FBXO11: variants seen among roughly 807,000 people sequenced by gnomAD.
FBXO11 encodes the protein F-box protein 11.
A neutral mutation model predicts 117.0 loss-of-function variants in FBXO11; 13 were observed. The observed-to-expected ratio is 0.11, with a 90% CI of 0.07 to 0.18. FBXO11 has a LOEUF of 0.18. Ranked by LOEUF, FBXO11 falls within the 10% of genes least tolerant of loss-of-function variation. The pLI is 1.00. For synonymous variants in FBXO11, 490 were observed against 380.5 expected (o/e 1.29, Z -3.35); for missense variants, 767 against 1,164.4 (o/e 0.66, Z 4.97).
rs961970568 is a variant in FBXO11, at chr2:47,809,510, G to A, written c.2446+90C>T. The A allele has an allele frequency of 1.2e-5, 11 of 922,750 alleles. 1 individual carries two copies. The South Asian group carries it at 1.7e-4, about 14-fold the overall frequency. The allele number at this position is 922,750 out of a possible 1,614,324, so 57.2% of individuals were successfully genotyped here. On this transcript the variant is annotated intron_variant, in intron 20 of 22. Transcript: ENST00000403359. ...TCTTAAACTGTTGCTAACTTGGAGA[G>A]TGACATAAGGAATCAAGTTATAAAA...
chr2:47,887,301 G>T (rs904801868), intron 1 of FBXO11, among the ~76,000 whole-genome samples: 12 of 151,514 alleles, frequency 7.9e-5, no homozygotes, highest in Non-Finnish European at 1.6e-4. Flanking sequence ...AAAAAGGTGG[G>T]GGGGAGGGGG....
chr2:47,875,538 T>C (rs1277294831), intron 1 of FBXO11, among the ~76,000 whole-genome samples: 4 of 151,584 alleles, frequency 2.6e-5, no homozygotes, highest in African/African-American at 9.7e-5. Context: ...TGATAAGTAA[T>C]GATAAAATTC....
At chr2:47,823,982 C>G (rs1558414992) in intron 11 of FBXO11, among the ~76,000 whole-genome samples, 2 of 152,002 alleles carry the variant, frequency 1.3e-5, no homozygotes, top group Non-Finnish European at 2.9e-5. Context: ...TAGAAAGGCA[C>G]ACACCACCAT....
Position 47,887,960 on chromosome 2 carries a change from G to A in FBXO11, c.232+17529C>T, listed in dbSNP as rs186062603. Among the ~76,000 whole-genome samples the A allele has an allele frequency of 3.8e-3, 580 of 152,230 alleles. 2 individuals carry two copies. Among genetic ancestry groups the A allele is most frequent in the Middle Eastern group, 0.024 (7 of 294 alleles). ...TTGAGCCTAGCAGTTCGAGGCTGCA[G>A]AGAGTAGTGACTGTGCCACTGTGTT... On this transcript the variant is annotated intron_variant, in intron 1 of 22. Coordinates refer to ENST00000403359, the MANE Select transcript of FBXO11 (RefSeq NM_001190274.2).
chr2:47,873,030 G>C (rs1352680990), intron 1 of FBXO11, among the ~76,000 whole-genome samples: 2 of 152,056 alleles, frequency 1.3e-5, no homozygotes, highest in Non-Finnish European at 2.9e-5. Flanking sequence ...AAAAGTCTGA[G>C]AACTGCTATT....
intron 1 of FBXO11, among the ~76,000 whole-genome samples, chr2:47,858,422 C>G (rs146549208): frequency 0.019 from 2,849 of 151,430 alleles, 33 homozygotes; most frequent in Non-Finnish European, 0.03. Flanking sequence ...TGACTCACGC[C>G]TGTAATCCCA....
At chr2:47,809,353 G>C (rs1670455159) in intron 20 of FBXO11, 87 bp from the exon 21 acceptor site, 2 of 863,894 alleles carry the variant, frequency 2.3e-6, no homozygotes, top group African/African-American at 3.5e-5. Flanking sequence ...TAACAGAAGA[G>C]CCACTATTTT....
At chr2:47,886,621 GATAA>G (rs1472531220) in intron 1 of FBXO11, among the ~76,000 whole-genome samples, 3 of 151,984 alleles carry the variant, frequency 2.0e-5, no homozygotes, top group African/African-American at 7.3e-5. Context: ...AATGTTAACA[GATAA>G]ATATTTAATA....
At chr2:47,834,351 A>T (rs1236489506) in intron 7 of FBXO11, among the ~76,000 whole-genome samples, 2 of 152,150 alleles carry the variant, frequency 1.3e-5, no homozygotes, top group Non-Finnish European at 2.9e-5. Flanking sequence ...CTCTGCATCA[A>T]AAAAACAAAA....
intron 1 of FBXO11, among the ~76,000 whole-genome samples, chr2:47,852,203 T>A (rs944134699): frequency 6.6e-6 from 1 of 152,110 alleles, no homozygotes; most frequent in Admixed American, 6.5e-5. Context: ...TTGGCCAGGG[T>A]GGTCTCGAAC....
rs758343209 is a variant in FBXO11, at chr2:47,818,952, C to A, written c.1920+4G>T. On this transcript the variant is annotated splice_donor_region_variant and intron_variant, in intron 15 of 22. Transcript: ENST00000403359. Reference sequence around the variant, plus strand: ...TCCCATCCAAGAGTCCAGGCTAATCCTACCTGCTTGCCACTGTGTATCCGG... The same window carrying A: ...TCCCATCCAAGAGTCCAGGCTAATCATACCTGCTTGCCACTGTGTATCCGG... 2 of 1,612,888 alleles carry A rather than the reference C, an allele frequency of 1.2e-6. No homozygotes were observed. The highest frequency in any genetic ancestry group is 1.7e-6 in the Non-Finnish European group (2 of 1,179,760).
intron 16 of FBXO11, among the ~76,000 whole-genome samples, chr2:47,815,817 A>G (rs910929285): frequency 1.3e-5 from 2 of 152,164 alleles, no homozygotes; most frequent in African/African-American, 2.4e-5. Flanking sequence ...TTGAGCATCA[A>G]CGGGCCAGAA....
At chr2:47,871,723 C>G (rs1675639159) in intron 1 of FBXO11, among the ~76,000 whole-genome samples, 1 of 152,068 alleles carries the variant, frequency 6.6e-6, no homozygotes, top group African/African-American at 2.4e-5. Flanking sequence ...GATGTTAAAT[C>G]CCTTGTTAGA....
chr2:47,816,930 A>C (rs1671044434), intron 16 of FBXO11, among the ~76,000 whole-genome samples: 1 of 152,188 alleles, frequency 6.6e-6, no homozygotes, highest in Non-Finnish European at 1.5e-5. Flanking sequence ...GTAAATGAGC[A>C]CTGCCTGCAA....
chr2:47,901,248 G>C (rs1228132743), intron 1 of FBXO11, among the ~76,000 whole-genome samples: 2 of 149,918 alleles, frequency 1.3e-5, no homozygotes, highest in African/African-American at 4.9e-5. Flanking sequence ...AGAGAGACTA[G>C]GTTTTTATTC....
At position 47,815,071 on chromosome 2, in the gene FBXO11, A is replaced by G. The variant is rs956478802; in HGVS notation, c.2007-1204T>C. Among the ~76,000 whole-genome samples the G allele has an allele frequency of 1.1e-4, 17 of 152,246 alleles. No individual in the cohort carries two copies. The East Asian group carries it at 2.5e-3, about 22-fold the overall frequency. ...TGCAATTTCTACCACGTCTGGAATT[A>G]GTTCCTCCACCAAAGTCTTATACCC... On this transcript the variant is annotated intron_variant, in intron 16 of 22. Coordinates refer to ENST00000403359, the MANE Select transcript of FBXO11 (RefSeq NM_001190274.2).
intron 1 of FBXO11, among the ~76,000 whole-genome samples, chr2:47,882,714 C>A (rs898992231): frequency 7.9e-5 from 12 of 152,236 alleles, no homozygotes; most frequent in African/African-American, 2.9e-4. Context: ...TGCAGTGGGG[C>A]AATTTTGGCT....
intron 7 of FBXO11, among the ~76,000 whole-genome samples, chr2:47,834,150 G>C (rs1350276514): frequency 6.6e-6 from 1 of 152,172 alleles, no homozygotes; most frequent in Non-Finnish European, 1.5e-5. Context: ...AGGAGTTTGA[G>C]ACCAGCCTGG....
chr2:47,819,714 A>T (rs1671247751), intron 14 of FBXO11, among the ~76,000 whole-genome samples: 1 of 152,206 alleles, frequency 6.6e-6, no homozygotes, highest in Non-Finnish European at 1.5e-5. Flanking sequence ...AGTTACTTCA[A>T]ACCTATTTCT....
Sources: gnomAD v4.1 joint callset for allele counts (sites outside exome capture counted in the v4.1 genomes callset) on GRCh38, gnomAD v4.1.1 for gene constraint, MANE v1.5 for transcripts, NCBI Gene and HGNC (gene_info 2026-07-23, HGNC 2026-07-21) for gene names.